DIP2A: variants seen among roughly 807,000 people sequenced by gnomAD.
The protein encoded by DIP2A is DIP2 acetate--CoA ligase A, also known as disco-interacting protein 2 homolog A.
Under a neutral mutation model 177.4 loss-of-function variants are expected in DIP2A, and 85 were observed. The observed-to-expected ratio is 0.48, with a 90% CI of 0.40 to 0.57. The LOEUF is 0.57. DIP2A is among the 20% of genes least tolerant of loss of function. DIP2A has a pLI of 0.00. For synonymous variants in DIP2A, 886 were observed against 881.8 expected, an observed-to-expected ratio of 1.00 and a Z score of -0.08; for missense variants, 1,791 against 2,100.2, an observed-to-expected ratio of 0.85 and a Z score of 2.88.
Position 46,550,665 on chromosome 21 carries a change from G to T in DIP2A, c.2760G>T (p.Gly920=). The stretch of plus-strand genomic sequence containing the variant: ...AAACCAAACAGCGCTTTCTGGAAGG[G>T]ACGCTGCACCCGTGTAATGTGCTGA... ...ISETKQRFLE[G]TLHPCNVLMC... The change falls in exon 23 of 38, where the codon GGG becomes GGT. Residue 920 remains glycine, a synonymous_variant. Transcript: ENST00000417564. The T allele has an allele frequency of 6.2e-7, 1 of 1,614,008 alleles. No individual in the cohort carries two copies. The highest frequency in any genetic ancestry group is 1.3e-5 in the African/African-American group (1 of 75,060).
chr21:46,530,754 A>C (rs1261194731), intron 9 of DIP2A, among the ~76,000 whole-genome samples: 2 of 152,194 alleles, frequency 1.3e-5, no homozygotes, highest in African/African-American at 4.8e-5. Context: ...ATGCACACCA[A>C]AACGCATGCC....
At chr21:46,480,964 T>C (rs1437238254) in intron 1 of DIP2A, among the ~76,000 whole-genome samples, 1 of 152,132 alleles carries the variant, frequency 6.6e-6, no homozygotes, top group Non-Finnish European at 1.5e-5. Flanking sequence ...CCTTTCAGAC[T>C]CCGGAAAGCT....
chr21:46,481,135 A>G (rs1356399728), intron 1 of DIP2A, among the ~76,000 whole-genome samples: 1 of 152,166 alleles, frequency 6.6e-6, no homozygotes, highest in Non-Finnish European at 1.5e-5. Context: ...ATCCCTTTGC[A>G]GTCTCCCGGT....
At chr21:46,564,938 T>G (rs1165403462) in intron 35 of DIP2A, among the ~76,000 whole-genome samples, 3 of 152,210 alleles carry the variant, frequency 2.0e-5, no homozygotes, top group Non-Finnish European at 4.4e-5. Flanking sequence ...ATGGAGAGTC[T>G]GAGCCAGGCA....
chr21:46,582,702 A>G, the DIP2A span, among the ~76,000 whole-genome samples: 2 of 148,414 alleles, frequency 1.3e-5, no homozygotes, highest in East Asian at 4.0e-4. Flanking sequence ...TTCACTCACC[A>G]TTTTCATTCT....
At position 46,567,864 on chromosome 21, in the gene DIP2A, CAAGGA is replaced by C. The variant is rs956795967; in HGVS notation, c.*257_*261del. 42 of 439,038 alleles carry C rather than the reference CAAGGA, an allele frequency of 9.6e-5. No individual in the cohort carries two copies. The highest frequency in any genetic ancestry group is 2.0e-4 in the South Asian group (3 of 14,664). The allele number at this position is 439,038 out of a possible 1,614,324, so 27.2% of individuals were successfully genotyped here. The stretch of plus-strand genomic sequence containing the variant: ...GCTGGTATTTTAACAGATGGAGAGA[CAAGGA>C]AAGGAAAGGAAAGGCCTGGCATGGG... On this transcript the variant is annotated 3_prime_UTR_variant, in exon 38 of 38. Coordinates refer to ENST00000417564, the MANE Select transcript of DIP2A (RefSeq NM_015151.4).
At chr21:46,519,054 G>A (rs12627084) in intron 8 of DIP2A, among the ~76,000 whole-genome samples, 53,723 of 152,004 alleles carry the variant, frequency 0.35, 9,876 homozygotes, top group Middle Eastern at 0.44. Context: ...CTGGAACTGA[G>A]GGTTCCTCCC....
intron 8 of DIP2A, among the ~76,000 whole-genome samples, chr21:46,528,356 C>T (rs1360613901): frequency 2.6e-5 from 4 of 151,848 alleles, no homozygotes; most frequent in Non-Finnish European, 4.4e-5. Context: ...GGATATTTAA[C>T]GTAATGAAAA....
At chr21:46,502,720 T>G (rs2057723356) in intron 5 of DIP2A, among the ~76,000 whole-genome samples, 1 of 152,136 alleles carries the variant, frequency 6.6e-6, no homozygotes, top group African/African-American at 2.4e-5. Context: ...ATTGCTGGGA[T>G]TACAGGTGTG....
intron 25 of DIP2A, 47 bp downstream of exon 25, chr21:46,551,951 G>C: frequency 6.5e-7 from 1 of 1,544,406 alleles, no homozygotes; most frequent in Non-Finnish European, 8.7e-7. Context: ...CTGTGGGCCG[G>C]TGGAGCCCTT....
intron 8 of DIP2A, among the ~76,000 whole-genome samples, chr21:46,513,095 A>G (rs2058386283): frequency 1.5e-5 from 1 of 67,336 alleles, no homozygotes; most frequent in Non-Finnish European, 2.7e-5. Context: ...ATGTAATCTA[A>G]CTTACATGTT....
At chr21:46,520,531 A>G (rs79188938) in intron 8 of DIP2A, among the ~76,000 whole-genome samples, 7,242 of 152,288 alleles carry the variant, frequency 0.048, 228 homozygotes, top group Non-Finnish European at 0.064. Context: ...AAGTTATCAG[A>G]AACCTGCATT....
chr21:46,567,364 C>T lies in DIP2A; in HGVS notation c.4464-6C>T. ...CCATGTGACCCAGTCTGTCTTCTCT[C>T]TGCAGTGCCGTATTCACCTGGACCA... On this transcript the variant is annotated splice_polypyrimidine_tract_variant and splice_region_variant and intron_variant, in intron 37 of 37. Transcript: ENST00000417564. The T allele has an allele frequency of 6.2e-7, 1 of 1,611,110 alleles. No individual in the cohort carries two copies. The highest frequency in any genetic ancestry group is 2.2e-5 in the East Asian group (1 of 44,878).
chr21:46,538,859 C>T (rs1309814599), intron 16 of DIP2A: 2 of 451,426 alleles, frequency 4.4e-6, no homozygotes, highest in East Asian at 9.8e-5. Context: ...AGTCATCTTT[C>T]TTAAGAAATT....
rs751750026 is a variant in DIP2A at position 46,558,270 on chromosome 21, C to T, written c.3846C>T (p.Ala1282=). Residue 1282 remains alanine, a synonymous_variant, in exon 32 of 38, where the codon GCC becomes GCT. Coordinates refer to ENST00000417564, the MANE Select transcript of DIP2A (RefSeq NM_015151.4). ...GTGTGCGCACGTGCATGGTGGTCGC[C>T]GAGGAGCGGCCCAGGATTGCGCTGA... The part of the protein sequence containing the change: ...LSCVRTCMVV[A]EERPRIALTQ... 15 of 1,612,434 alleles carry T rather than the reference C, an allele frequency of 9.3e-6. No homozygotes were observed. Among genetic ancestry groups the T allele is most frequent in the Middle Eastern group, 1.7e-4 (1 of 5,948 alleles).
At chr21:46,490,888 CCTT>C (rs1396389197) in intron 3 of DIP2A, among the ~76,000 whole-genome samples, 169 bp downstream of exon 3, 4 of 152,142 alleles carry the variant, frequency 2.6e-5, no homozygotes, top group African/African-American at 9.7e-5. Context: ...AAACATTTAA[CCTT>C]CACGTAACCA....
intron 34 of DIP2A, 96 bp downstream of exon 34, chr21:46,561,901 G>T: frequency 1.3e-6 from 2 of 1,548,284 alleles, no homozygotes; most frequent in Non-Finnish European, 1.7e-6. Context: ...CGGCTCTGAT[G>T]AACACAGGTC....
At chr21:46,578,197 A>G in the DIP2A span, among the ~76,000 whole-genome samples, 1 of 152,200 alleles carries the variant, frequency 6.6e-6, no homozygotes, top group Admixed American at 6.5e-5. Flanking sequence ...CTGTAGTCCC[A>G]GCTACTCAGG....
At chr21:46,550,779 C>A in intron 23 of DIP2A, 35 bp downstream of exon 23, 1 of 1,604,142 alleles carries the variant, frequency 6.2e-7, no homozygotes. Flanking sequence ...GCTCTCTAGT[C>A]TAACAGTGGT....
Sources: allele counts gnomAD v4.1 joint callset (sites outside exome capture counted in the v4.1 genomes callset), GRCh38; gene constraint gnomAD v4.1.1; transcripts MANE v1.5; gene names NCBI Gene and HGNC (gene_info 2026-07-23, HGNC 2026-07-21).